The following SHTN1 variants were observed in gnomAD, a reference collection of about 807,000 sequenced individuals.
The protein encoded by SHTN1 is shootin 1, also known as shootin-1.
Under a neutral mutation model 83.1 loss-of-function variants are expected in SHTN1, and 42 were observed. The observed-to-expected ratio is 0.51, with a 90% CI of 0.39 to 0.65. SHTN1 has a LOEUF of 0.65. SHTN1 is among the 30% of genes least tolerant of loss of function. The pLI is 0.00. For missense variants in SHTN1, 622 were observed against 737.8 expected (o/e 0.84, Z 1.82); for synonymous variants, 224 against 247.7 (o/e 0.90, Z 0.90).
intron 9 of SHTN1, among the ~76,000 whole-genome samples, chr10:116,934,426 T>A (rs1026997969): frequency 1.6e-4 from 25 of 152,234 alleles, no homozygotes; most frequent in Admixed American, 5.2e-4. Context: ...AAATAGGGAA[T>A]CCTTTCTCCA....
At chr10:117,031,670 G>T (rs902999513) in intron 2 of SHTN1, among the ~76,000 whole-genome samples, 11 of 152,114 alleles carry the variant, frequency 7.2e-5, no homozygotes, top group Non-Finnish European at 1.0e-4. Flanking sequence ...GGGTTAAGTT[G>T]TTATCAGCTT....
chr10:117,100,366 CAG>C (rs1002111071), intron 1 of SHTN1, among the ~76,000 whole-genome samples: 4 of 152,166 alleles, frequency 2.6e-5, no homozygotes, highest in African/African-American at 9.7e-5. Flanking sequence ...GTTGTTGCCA[CAG>C]AGACTTATGG....
chr10:117,084,790 C>A (rs1303667650), intron 1 of SHTN1, among the ~76,000 whole-genome samples: 3 of 152,144 alleles, frequency 2.0e-5, no homozygotes, highest in African/African-American at 7.2e-5. Context: ...GTGGGAGTGA[C>A]CCGATTTTCC....
rs952760501 is a variant in SHTN1 at position 117,044,370 on chromosome 10, A to G, written c.-123+4075T>C. Among the ~76,000 whole-genome samples, 7 of 152,162 alleles carry G rather than the reference A, an allele frequency of 4.6e-5. No individual in the cohort carries two copies. In the East Asian group the frequency reaches 1.3e-3, roughly 29 times the overall value. ...AGCTACATAGTGTTCAACTATATGT[A>G]TGTACATTACTTACATACTCACCTA... On this transcript the variant is annotated intron_variant, in intron 2 of 17. Coordinates refer to the SHTN1 transcript ENST00000392901.
intron 1 of SHTN1, among the ~76,000 whole-genome samples, chr10:117,063,923 T>A (rs1852935358): frequency 6.6e-6 from 1 of 152,138 alleles, no homozygotes; most frequent in Non-Finnish European, 1.5e-5. Context: ...AGAACTAAAC[T>A]AAGATAAAAG....
chr10:116,980,583 G>GA (rs200485673), intron 1 of SHTN1, among the ~76,000 whole-genome samples: 6,753 of 142,600 alleles, frequency 0.047, 435 homozygotes, highest in African/African-American at 0.14. Context: ...TTTTAAGAAA[G>GA]AAAAAAAAAC....
intron 16 of SHTN1, among the ~76,000 whole-genome samples, chr10:116,898,433 A>G (rs186449702): frequency 6.6e-4 from 101 of 152,246 alleles, no homozygotes; most frequent in African/African-American, 2.3e-3. Context: ...ACATTATCAG[A>G]TTTAATCTTA....
intron 8 of SHTN1, 91 bp downstream of exon 8, chr10:116,944,833 G>A: frequency 1.3e-6 from 1 of 789,182 alleles, no homozygotes; most frequent in South Asian, 1.5e-5. Flanking sequence ...GGAGGTTGCA[G>A]TGAGCCGAGA....
intron 1 of SHTN1, among the ~76,000 whole-genome samples, chr10:117,097,003 G>C (rs911603059): frequency 6.8e-6 from 1 of 148,020 alleles, no homozygotes; most frequent in African/African-American, 2.5e-5. Flanking sequence ...ACCCAAGCGC[G>C]CACGCGCGCG....
At chr10:116,992,746 G>A (rs1198857684) in intron 1 of SHTN1, among the ~76,000 whole-genome samples, 2 of 152,108 alleles carry the variant, frequency 1.3e-5, no homozygotes, top group Non-Finnish European at 2.9e-5. Flanking sequence ...TGTCTGTCCT[G>A]GAGGAAACCT....
chr10:116,926,430 A>AT (rs1848744160), intron 11 of SHTN1, among the ~76,000 whole-genome samples: 1 of 152,232 alleles, frequency 6.6e-6, no homozygotes, highest in East Asian at 1.9e-4. Flanking sequence ...GGAGAGAAAG[A>AT]TTTTAAAATA....
chr10:117,114,318 C>T (rs941059318), intron 1 of SHTN1, among the ~76,000 whole-genome samples: 4 of 152,072 alleles, frequency 2.6e-5, no homozygotes, highest in Admixed American at 6.6e-5. Flanking sequence ...AAGCCAGGCA[C>T]CAAGCTAGCT....
chr10:117,043,737 G>A (rs1460145115), intron 2 of SHTN1, among the ~76,000 whole-genome samples: 1 of 152,028 alleles, frequency 6.6e-6, no homozygotes, highest in Admixed American at 6.6e-5. Flanking sequence ...AGCTATTCAG[G>A]AAGCTGAGCT....
At chr10:117,006,250 T>TG (rs67675900), upstream of SHTN1, among the ~76,000 whole-genome samples, 5 of 146,380 alleles carry the variant, frequency 3.4e-5, no homozygotes, top group South Asian at 4.2e-4. Context: ...GTTTTTTTTT[T>TG]GTTTTTTTGT....
At chr10:117,053,318 G>A (rs911470746) in intron 1 of SHTN1, among the ~76,000 whole-genome samples, 6 of 151,896 alleles carry the variant, frequency 4.0e-5, no homozygotes, top group Admixed American at 6.6e-5. Flanking sequence ...TTAAGAGAGT[G>A]AAAAGAAGAC....
intron 2 of SHTN1, among the ~76,000 whole-genome samples, chr10:117,046,523 G>A (rs376857422): frequency 6.6e-6 from 1 of 152,110 alleles, no homozygotes; most frequent in African/African-American, 2.4e-5. Flanking sequence ...CCTCTGCTAT[G>A]TATATACCTA....
intron 11 of SHTN1, among the ~76,000 whole-genome samples, chr10:116,926,329 C>A (rs1848741035): frequency 1.3e-5 from 2 of 152,164 alleles, no homozygotes; most frequent in South Asian, 4.1e-4. Flanking sequence ...CTTATCAGCT[C>A]AAAATCCCAG....
At chr10:116,943,905 T>C (rs557243379) in intron 8 of SHTN1, among the ~76,000 whole-genome samples, 1 of 152,206 alleles carries the variant, frequency 6.6e-6, no homozygotes, top group African/African-American at 2.4e-5. Context: ...AGCCCATTGG[T>C]GAACTCCTCA....
intron 1 of SHTN1, among the ~76,000 whole-genome samples, chr10:117,107,094 A>C (rs1015341708): frequency 2.0e-5 from 3 of 152,244 alleles, no homozygotes; most frequent in Admixed American, 1.3e-4. Flanking sequence ...ATCTCTAACT[A>C]TGAGGATGAT....
Sources: gnomAD v4.1 joint callset for allele counts (sites outside exome capture counted in the v4.1 genomes callset) on GRCh38, gnomAD v4.1.1 for gene constraint, MANE v1.5 for transcripts, NCBI Gene and HGNC (gene_info 2026-07-23, HGNC 2026-07-21) for gene names.